The following RALGDS variants were observed in gnomAD, a reference collection of about 807,000 sequenced individuals.
RALGDS encodes the protein ral guanine nucleotide exchange factor.
Under a neutral mutation model 99.8 loss-of-function variants are expected in RALGDS, and 44 were observed. That is an observed-to-expected ratio of 0.44 (90% CI 0.35 to 0.57). The LOEUF is 0.57. Among genes scored for constraint, RALGDS ranks in the 20% least tolerant of loss-of-function variants. RALGDS has a pLI of 0.01. For missense variants in RALGDS, 1,022 were observed against 1,203.1 expected (o/e 0.85, Z 2.23); for synonymous variants, 529 against 505.0 (o/e 1.05, Z -0.64).
intron 1 of RALGDS, among the ~76,000 whole-genome samples, chr9:133,116,015 C>A (rs1394699570): frequency 6.6e-6 from 1 of 152,260 alleles, no homozygotes; most frequent in Non-Finnish European, 1.5e-5. Flanking sequence ...GGGACCCATG[C>A]CCGAGGACAG....
At chr9:133,104,014 A>G (rs1165807999) in intron 10 of RALGDS, among the ~76,000 whole-genome samples, 181 bp from the exon 11 acceptor site, 1 of 152,032 alleles carries the variant, frequency 6.6e-6, no homozygotes, top group African/African-American at 2.4e-5. Context: ...GGGAAATGCC[A>G]GGTTCCCAAG....
At chr9:133,115,481 G>C (rs1831553698) in intron 1 of RALGDS, among the ~76,000 whole-genome samples, 1 of 152,178 alleles carries the variant, frequency 6.6e-6, no homozygotes, top group African/African-American at 2.4e-5. Context: ...CCAGTCACCA[G>C]AGGTCACCCC....
At chr9:133,106,121 C>T (rs1172893516) in intron 8 of RALGDS, 105 bp from the exon 9 acceptor site, 33 of 865,708 alleles carry the variant, frequency 3.8e-5, no homozygotes, top group South Asian at 1.7e-4. Flanking sequence ...ACTGCCTGAA[C>T]GCAGCACACA....
rs201265949 is a variant in RALGDS at position 133,109,758 on chromosome 9, G to A, written c.489-37C>T. 1,002 of 1,565,504 alleles carry A rather than the reference G, an allele frequency of 6.4e-4. 5 individuals carry two copies. Among genetic ancestry groups the A allele is most frequent in the Admixed American group, 4.1e-3 (244 of 59,926 alleles). On this transcript the variant is annotated intron_variant, in intron 3 of 17. Transcript: ENST00000372050. ...GTCTAGTGTTACTGTCTGACTCTCC[G>A]ACTAGAACGGAGGCCCAGGAGGGCA...
chr9:133,100,324 AG>A lies in RALGDS; in HGVS notation c.2512del (p.Leu838TrpfsTer21). 6.2e-7 allele frequency: 1 copy of A among 1,614,132 alleles called. No homozygotes were observed. Among genetic ancestry groups the A allele is most frequent in the Non-Finnish European group, 8.5e-7 (1 of 1,180,028 alleles). ...ATAGTCCTCCGGCTCCTCCTCCTCC[AG>A]GTTGTGTTTGTCCATGGCCTTGCGG... Reference protein sequence around the residue: ...VIRKAMDKHNLEEEEPEDYEL... With the variant: ...VIRKAMDKHNXEEEEPEDYEL... On this transcript the variant is annotated frameshift_variant, in exon 17 of 18. Transcript: ENST00000372050. LOFTEE classifies it high-confidence loss of function.
chr9:133,148,859 C>A, intron 1 of RALGDS: 1 of 1,428,008 alleles, frequency 7.0e-7, no homozygotes, highest in South Asian at 1.2e-5. Context: ...AGCGCACGCT[C>A]AGCGTGGACG....
At chr9:133,129,378 G>A (rs1832265546) in intron 1 of RALGDS, 20 of 1,482,786 alleles carry the variant, frequency 1.3e-5, no homozygotes, top group Middle Eastern at 1.9e-4. Flanking sequence ...CAGTGTGCTC[G>A]TCGCCTGCGT....
chr9:133,116,624 G>A (rs1831621163), intron 1 of RALGDS, among the ~76,000 whole-genome samples: 1 of 152,262 alleles, frequency 6.6e-6, no homozygotes, highest in Non-Finnish European at 1.5e-5. Flanking sequence ...AAGGTGGGCT[G>A]GTCCCAAGGG....
At chr9:133,138,458 C>T (rs1056018466) in intron 1 of RALGDS, among the ~76,000 whole-genome samples, 1 of 152,186 alleles carries the variant, frequency 6.6e-6, no homozygotes, top group Admixed American at 6.5e-5. Flanking sequence ...TGCCCAGGGA[C>T]CCTCCAAGAG....
At chr9:133,110,272 G>C in intron 3 of RALGDS, 24 bp downstream of exon 3, 1 of 1,607,238 alleles carries the variant, frequency 6.2e-7, no homozygotes, top group Non-Finnish European at 8.5e-7. Flanking sequence ...TGTGCACCCT[G>C]TGCAGTGGAG....
chr9:133,112,183 G>A (rs776314713), intron 1 of RALGDS, 31 bp from the exon 2 acceptor site: 19 of 1,487,226 alleles, frequency 1.3e-5, no homozygotes, highest in East Asian at 2.5e-5. Flanking sequence ...AGCCGGGCGC[G>A]GGGACGTCAA....
chr9:133,120,864 C>T (rs1386139163), intron 1 of RALGDS, 108 bp downstream of exon 1: 1 of 1,233,362 alleles, frequency 8.1e-7, no homozygotes, highest in Admixed American at 4.1e-5. Flanking sequence ...GGGAGGCGGC[C>T]CGCTGGGATC....
At chr9:133,133,165 C>G (rs1402276693), upstream of RALGDS, among the ~76,000 whole-genome samples, 1 of 152,246 alleles carries the variant, frequency 6.6e-6, no homozygotes, top group Admixed American at 6.5e-5. Context: ...ATCTCCCCTG[C>G]CCCCACCTCC....
In RALGDS at chr9:133,102,574, A is replaced by G. The variant is rs752349114; in HGVS notation, c.1914-3T>C. On this transcript the variant is annotated splice_region_variant and splice_polypyrimidine_tract_variant and intron_variant, in intron 13 of 17. Coordinates refer to ENST00000372050, the MANE Select transcript of RALGDS (RefSeq NM_006266.4). ...CCAGCTCGCACGACAGGTTGTAGCT[A>G]TGAGCAGAGGGGCAGTGGTGTGACA... The G allele has an allele frequency of 1.2e-6, 2 of 1,613,898 alleles. No homozygotes were observed. Among genetic ancestry groups the G allele is most frequent in the Non-Finnish European group, 1.7e-6 (2 of 1,179,912 alleles).
exon 1 of RALGDS, chr9:133,149,005 G>C (rs751977356): frequency 7.7e-6 from 12 of 1,558,752 alleles, no homozygotes; most frequent in Non-Finnish European, 1.0e-5. Flanking sequence ...GCACATCGCC[G>C]GCCCCAGGGC....
upstream of RALGDS, among the ~76,000 whole-genome samples, chr9:133,126,054 AC>A (rs1832144219): frequency 6.6e-6 from 1 of 152,090 alleles, no homozygotes. Context: ...GCCAATGACA[AC>A]CCTGTGCTTG....
At chr9:133,106,951 G>T in intron 7 of RALGDS, 134 bp downstream of exon 7, 1 of 1,047,848 alleles carries the variant, frequency 9.5e-7, no homozygotes, top group Non-Finnish European at 1.4e-6. Context: ...CATCCAGGCA[G>T]TGGGCTGGGA....
At chr9:133,100,419 A>G (rs1392774583) in intron 16 of RALGDS, 37 bp from the exon 17 acceptor site, 2 of 1,611,838 alleles carry the variant, frequency 1.2e-6, no homozygotes, top group African/African-American at 2.7e-5. Flanking sequence ...CAGGGAAAAG[A>G]CCCTGGAGCG....
intron 12 of RALGDS, 76 bp downstream of exon 12, chr9:133,103,144 AAGGAGAGGGT>A: frequency 2.6e-6 from 4 of 1,538,974 alleles, no homozygotes; most frequent in Non-Finnish European, 3.6e-6. Flanking sequence ...CCATGAATCT[AAGGAGAGGGT>A]AGGAGTTGAA....
Sources: allele counts gnomAD v4.1 joint callset (sites outside exome capture counted in the v4.1 genomes callset), GRCh38; gene constraint gnomAD v4.1.1; transcripts MANE v1.5; gene names NCBI Gene and HGNC (gene_info 2026-07-23, HGNC 2026-07-21).